Variants in FRMD4A observed in about 807,000 individuals in gnomAD.
FRMD4A encodes FERM domain-containing protein 4A.
A neutral mutation model predicts 129.1 loss-of-function variants in FRMD4A; 29 were observed. That is an observed-to-expected ratio of 0.22 (90% confidence interval 0.17 to 0.31). The LOEUF (loss-of-function observed/expected upper bound fraction) is 0.31. FRMD4A is among the 10% of genes least tolerant of loss of function. The pLI is 1.00. For missense variants in FRMD4A, 1,272 were observed against 1,375.8 expected, an observed-to-expected ratio of 0.92 and a Z score of 1.19; for synonymous variants, 634 against 571.6, an observed-to-expected ratio of 1.11 and a Z score of -1.56.
chr10:14,091,510 T>C (rs553449031), intron 2 of FRMD4A, among the ~76,000 whole-genome samples: 2 of 152,238 alleles, frequency 1.3e-5, no homozygotes, highest in East Asian at 3.9e-4. Context: ...CTCAGCTCAC[T>C]GCAACCTCCG....
chr10:14,224,762 T>G (rs1310099429), intron 2 of FRMD4A, among the ~76,000 whole-genome samples: 1 of 152,168 alleles, frequency 6.6e-6, no homozygotes, highest in Non-Finnish European at 1.5e-5. Context: ...CAGACTATGT[T>G]AAGAGGAGAG....
intron 2 of FRMD4A, among the ~76,000 whole-genome samples, chr10:14,022,412 G>A (rs1182170865): frequency 2.6e-5 from 4 of 152,164 alleles, no homozygotes; most frequent in African/African-American, 9.7e-5. Flanking sequence ...TAAGAGATAG[G>A]CTTAAAAGAG....
chr10:13,722,521 C>T (rs2089520522), intron 12 of FRMD4A, among the ~76,000 whole-genome samples: 1 of 151,822 alleles, frequency 6.6e-6, no homozygotes, highest in African/African-American at 2.4e-5. Context: ...GTTGAGATTA[C>T]AGGCATGAGC....
chr10:14,250,359 T>C (rs1844394155), intron 2 of FRMD4A, among the ~76,000 whole-genome samples: 1 of 152,156 alleles, frequency 6.6e-6, no homozygotes, highest in South Asian at 2.1e-4. Flanking sequence ...AGAGGAAGCA[T>C]AGAATAGCAG....
intron 19 of FRMD4A, among the ~76,000 whole-genome samples, chr10:13,660,968 T>C (rs549751785): frequency 2.0e-5 from 3 of 152,294 alleles, no homozygotes; most frequent in South Asian, 4.2e-4. Context: ...GAGAGTTTTG[T>C]CTGTTTCATC....
At chr10:14,222,806 G>C (rs11258949) in intron 2 of FRMD4A, among the ~76,000 whole-genome samples, 1 of 152,036 alleles carries the variant, frequency 6.6e-6, no homozygotes, top group African/African-American at 2.4e-5. Context: ...TGTAGGCCAG[G>C]TGCGGTGCCT....
chr10:13,661,314 G>T (rs1354368753), intron 19 of FRMD4A, among the ~76,000 whole-genome samples: 1 of 152,244 alleles, frequency 6.6e-6, no homozygotes, highest in African/African-American at 2.4e-5. Flanking sequence ...GGTGCTGTGG[G>T]AGAGGCTGGT....
chr10:14,092,539 C>T (rs556085392), intron 2 of FRMD4A, among the ~76,000 whole-genome samples: 1 of 152,336 alleles, frequency 6.6e-6, no homozygotes, highest in South Asian at 2.1e-4. Context: ...GTCTTACTTC[C>T]ACTGTGTCTT....
At chr10:14,197,319 C>T (rs1055972534) in intron 2 of FRMD4A, among the ~76,000 whole-genome samples, 2 of 152,092 alleles carry the variant, frequency 1.3e-5, no homozygotes, top group Admixed American at 6.6e-5. Flanking sequence ...ATAATATTGG[C>T]GTATAACACA....
At chr10:14,014,784 T>C (rs1406066256) in intron 2 of FRMD4A, among the ~76,000 whole-genome samples, 1 of 152,250 alleles carries the variant, frequency 6.6e-6, no homozygotes, top group African/African-American at 2.4e-5. Context: ...CGGTTTGCTC[T>C]GACACAGTGC....
At chr10:13,673,637 C>T (rs141643341) in intron 16 of FRMD4A, among the ~76,000 whole-genome samples, 3 of 151,976 alleles carry the variant, frequency 2.0e-5, no homozygotes, top group Non-Finnish European at 4.4e-5. Flanking sequence ...AAACATGAAG[C>T]CTTCAAACAC....
chr10:13,846,600 A>G (rs752106837), intron 3 of FRMD4A, among the ~76,000 whole-genome samples: 13 of 152,358 alleles, frequency 8.5e-5, no homozygotes, highest in Non-Finnish European at 1.6e-4. Context: ...ACTCCCTGCA[A>G]TTGTAAAGTT....
intron 2 of FRMD4A, among the ~76,000 whole-genome samples, chr10:13,904,534 G>A (rs746055779): frequency 1.3e-5 from 2 of 152,148 alleles, no homozygotes; most frequent in African/African-American, 2.4e-5. Flanking sequence ...CAGGCATCAC[G>A]GCAGTGCTTT....
intron 2 of FRMD4A, among the ~76,000 whole-genome samples, chr10:13,949,536 A>G (rs1380780409): frequency 6.6e-6 from 1 of 152,212 alleles, no homozygotes; most frequent in Admixed American, 6.5e-5. Context: ...ATACTTAATC[A>G]AAAAGAACTC....
intron 15 of FRMD4A, chr10:13,685,227 T>G (rs575721243): frequency 9.1e-6 from 9 of 984,100 alleles, no homozygotes; most frequent in African/African-American, 1.7e-5. Context: ...TCAGAGAGCA[T>G]TGAAATTGAA....
At chr10:13,751,839 C>T (rs2091640572) in intron 8 of FRMD4A, among the ~76,000 whole-genome samples, 1 of 151,882 alleles carries the variant, frequency 6.6e-6, no homozygotes, top group South Asian at 2.1e-4. Context: ...AGCAAGACTC[C>T]ATCTCTTTAA....
intron 3 of FRMD4A, among the ~76,000 whole-genome samples, chr10:13,813,371 G>T (rs1161325800): frequency 6.6e-6 from 1 of 152,214 alleles, no homozygotes; most frequent in African/African-American, 2.4e-5. Context: ...AACCTGGGAG[G>T]TGGAGGTTGC....
At chr10:13,919,032 A>AAGTGACATCT (rs2095040949) in intron 2 of FRMD4A, among the ~76,000 whole-genome samples, 1 of 152,156 alleles carries the variant, frequency 6.6e-6, no homozygotes, top group African/African-American at 2.4e-5. Flanking sequence ...TTAATTTCCA[A>AAGTGACATCT]AGTGACATCT....
intron 2 of FRMD4A, among the ~76,000 whole-genome samples, chr10:13,926,904 TA>T (rs1386406132): frequency 6.6e-6 from 1 of 152,184 alleles, no homozygotes; most frequent in Admixed American, 6.5e-5. Flanking sequence ...CCGAAGAAGG[TA>T]ACATGGTCAA....
Sources: allele counts gnomAD v4.1 joint callset (sites outside exome capture counted in the v4.1 genomes callset), GRCh38; gene constraint gnomAD v4.1.1; transcripts MANE v1.5; gene names NCBI Gene and HGNC (gene_info 2026-07-23, HGNC 2026-07-21).